The following MESD variants were observed in gnomAD, a reference collection of about 807,000 sequenced individuals.
MESD encodes the protein LRP chaperone MESD.
Under a neutral mutation model 12.9 loss-of-function variants are expected in MESD, and 7 were observed. That is an observed-to-expected ratio of 0.54 (90% CI 0.31 to 1.02). The LOEUF (loss-of-function observed/expected upper bound fraction) is 1.02, where lower values mean the gene tolerates loss of function less well. Among genes scored for constraint, MESD ranks in the 50% least tolerant of loss-of-function variants. MESD has a pLI of 0.05. For missense variants in MESD, 342 were observed against 296.7 expected (o/e 1.15, Z -1.12); for synonymous variants, 126 against 115.6 (o/e 1.09, Z -0.58).
intron 1 of MESD, among the ~76,000 whole-genome samples, chr15:80,985,289 G>A (rs139979464): frequency 6.6e-6 from 1 of 152,156 alleles, no homozygotes; most frequent in Non-Finnish European, 1.5e-5. Flanking sequence ...GAAAGCTGAG[G>A]GTAATAACAG....
downstream of MESD, among the ~76,000 whole-genome samples, chr15:80,972,512 G>C (rs1902309947): frequency 6.6e-6 from 1 of 152,202 alleles, no homozygotes; most frequent in South Asian, 2.1e-4. Context: ...AAACACAGCA[G>C]CCAGAGCTGT....
rs1337982182 is a variant in MESD, at chr15:80,989,563, T to C, written c.213+16A>G. 2 of 1,610,508 alleles carry C rather than the reference T, an allele frequency of 1.2e-6. No homozygotes were observed. The highest frequency in any genetic ancestry group is 1.7e-6 in the Non-Finnish European group (2 of 1,178,058). On this transcript the variant is annotated intron_variant, in intron 1 of 2. Transcript: ENST00000261758. ...CGCACAGAGAAGAGCCGGGAGGGTG[T>C]GCGCGCGCCGCGGACCTCCCATTGC...
At chr15:80,960,290 A>G (rs551981033) in intron 3 of MESD, among the ~76,000 whole-genome samples, 1 of 151,162 alleles carries the variant, frequency 6.6e-6, no homozygotes, top group South Asian at 2.1e-4. Context: ...ACCTGAGCTT[A>G]GGGAAGTCAA....
downstream of MESD, among the ~76,000 whole-genome samples, chr15:80,972,366 A>G (rs1902307060): frequency 6.6e-6 from 1 of 152,226 alleles, no homozygotes; most frequent in African/African-American, 2.4e-5. Flanking sequence ...CAGCTATCAA[A>G]TCATCCAGTC....
At chr15:80,952,546 A>G (rs1213579161) in intron 3 of MESD, among the ~76,000 whole-genome samples, 3 of 152,096 alleles carry the variant, frequency 2.0e-5, no homozygotes, top group Admixed American at 2.0e-4. Context: ...CACCACAGAG[A>G]GTTCTTCTCT....
At chr15:80,962,694 G>A (rs967642107) in intron 3 of MESD, among the ~76,000 whole-genome samples, 7 of 152,108 alleles carry the variant, frequency 4.6e-5, no homozygotes, top group Admixed American at 1.3e-4. Flanking sequence ...ACTCAAAACC[G>A]CACAACTACA....
At chr15:80,986,656 C>A (rs955929281) in intron 1 of MESD, among the ~76,000 whole-genome samples, 9 of 152,192 alleles carry the variant, frequency 5.9e-5, no homozygotes, top group Non-Finnish European at 2.9e-5. Flanking sequence ...TGAAAACAAT[C>A]CAGTCTTTAC....
downstream of MESD, chr15:80,946,960 C>G (rs771662361): frequency 3.6e-5 from 57 of 1,604,318 alleles, no homozygotes; most frequent in Non-Finnish European, 4.6e-5. Context: ...TTTCTTCTCA[C>G]ACAGTTCCAT....
chr15:80,973,393 G>C (rs931945571), downstream of MESD, among the ~76,000 whole-genome samples: 1 of 151,964 alleles, frequency 6.6e-6, no homozygotes, highest in Non-Finnish European at 1.5e-5. Flanking sequence ...ACAAAAATTC[G>C]CCGGGTGTAG....
intron 3 of MESD, among the ~76,000 whole-genome samples, chr15:80,959,242 G>A (rs754808697): frequency 7.9e-5 from 12 of 152,216 alleles, no homozygotes; most frequent in Admixed American, 2.6e-4. Flanking sequence ...GAGGTTGAAG[G>A]TGCCTCTCGC....
chr15:80,953,038 T>C, intron 3 of MESD: 1 of 456,026 alleles, frequency 2.2e-6, no homozygotes, highest in Non-Finnish European at 4.4e-6. Flanking sequence ...GGTGTTGGCC[T>C]GAGAGTCAGA....
Position 80,979,466 on chromosome 15 carries a change from C to T in MESD, c.458G>A (p.Gly153Glu), listed in dbSNP as rs763920725. 5.6e-6 allele frequency: 9 copies of T among 1,613,978 alleles called. No homozygotes were observed. The Admixed American group carries it at 1.5e-4, about 27-fold the overall frequency. Residue 153 changes from glycine (G) to glutamate (E), a missense_variant, in exon 3 of 3, where the codon GGA (glycine) becomes GAA (glutamate). Physicochemically the swap from Gly to Glu is moderately conservative, Grantham distance 98 (BLOSUM62 -2). Transcript: ENST00000261758. ...ANYDVQRFIV[G>E]SDRAIFMLRD... ...AAGCATGAAGATAGCACGGTCTGAT[C>T]CCACAATGAACCTTGGGCAGAGAGA...
At chr15:80,948,616 C>T (rs1901670355) in exon 5 of MESD, 2 of 814,238 alleles carry the variant, frequency 2.5e-6, no homozygotes, top group African/African-American at 1.7e-5. Flanking sequence ...CTGCCCCATA[C>T]AAACACATGT....
chr15:80,988,517 G>A (rs1028926779), intron 1 of MESD, among the ~76,000 whole-genome samples: 5 of 152,200 alleles, frequency 3.3e-5, no homozygotes, highest in African/African-American at 1.2e-4. Context: ...CAAGGGAGAC[G>A]GTGAATGGGG....
chr15:80,971,792 A>C (rs1902294216), downstream of MESD, among the ~76,000 whole-genome samples: 1 of 152,040 alleles, frequency 6.6e-6, no homozygotes, highest in Admixed American at 6.6e-5. Context: ...CACAGGAAAA[A>C]GTAGGACCTG....
intron 3 of MESD, among the ~76,000 whole-genome samples, chr15:80,956,205 A>G (rs887237778): frequency 3.9e-5 from 6 of 152,012 alleles, no homozygotes; most frequent in African/African-American, 1.4e-4. Flanking sequence ...ATAATAATAA[A>G]ATAAAATAAA....
intron 3 of MESD, among the ~76,000 whole-genome samples, chr15:80,967,014 C>T (rs569547308): frequency 2.0e-5 from 3 of 152,132 alleles, no homozygotes; most frequent in Admixed American, 6.6e-5. Context: ...AGCCCTTGGC[C>T]GGGCGCAGTG....
At position 80,989,768 on chromosome 15, in the gene MESD, G is replaced by C. The variant is rs1331432815; in HGVS notation, c.24C>G (p.Arg8=). The C allele has an allele frequency of 1.3e-6, 2 of 1,593,824 alleles. No individual in the cohort carries two copies. The highest frequency in any genetic ancestry group is 1.3e-5 in the African/African-American group (1 of 74,870). ...AGGCACAAAGCAGGACCACGGCCTT[G>C]CGCGCCCACCTGGAAGCCGCCATTT... MAASRWA[R]KAVVLLCASD... The change falls in exon 1 of 3, where the codon CGC becomes CGG. Residue 8 remains arginine, a synonymous_variant. Coordinates refer to ENST00000261758, the MANE Select transcript of MESD (RefSeq NM_015154.3).
At chr15:80,955,618 T>C (rs2141784331) in intron 3 of MESD, among the ~76,000 whole-genome samples, 1 of 139,626 alleles carries the variant, frequency 7.2e-6, no homozygotes, top group African/African-American at 3.0e-5. Flanking sequence ...TGTTTGTGCG[T>C]GTGTGTGTGT....
Sources: gnomAD v4.1 joint callset for allele counts (sites outside exome capture counted in the v4.1 genomes callset) on GRCh38, gnomAD v4.1.1 for gene constraint, MANE v1.5 for transcripts, NCBI Gene and HGNC (gene_info 2026-07-23, HGNC 2026-07-21) for gene names.